C10orf53: variants seen among roughly 807,000 people sequenced by gnomAD.
C10orf53 encodes chromosome 10 open reading frame 53, also known as UPF0728 protein C10orf53.
C10orf53 carries 8 observed loss-of-function variants against 9.4 expected under a neutral mutation model. The ratio of observed to expected loss-of-function variants is 0.85; its 90% confidence interval spans 0.50 to 1.53. The LOEUF is 1.53. C10orf53 is among the 40% of genes most tolerant of loss of function. C10orf53 has a pLI of 0.00. For synonymous variants in C10orf53, 48 were observed against 46.0 expected (o/e 1.04, Z -0.18); for missense variants, 117 against 117.8 (o/e 0.99, Z 0.03).
chr10:49,700,278 C>A (rs1257169170), downstream of C10orf53, among the ~76,000 whole-genome samples: 1 of 152,196 alleles, frequency 6.6e-6, no homozygotes, highest in Non-Finnish European at 1.5e-5. Context: ...ATGTGAGCCA[C>A]CTGATTCCAG....
chr10:49,699,218 A>C (rs1297335622), downstream of C10orf53, among the ~76,000 whole-genome samples: 2 of 12,580 alleles, frequency 1.6e-4, no homozygotes, highest in South Asian at 3.7e-3. Context: ...TTTTTTTGAC[A>C]AGGCCTTGCT....
chr10:49,690,825 G>A (rs941120192), intron 1 of C10orf53, among the ~76,000 whole-genome samples: 1 of 152,188 alleles, frequency 6.6e-6, no homozygotes, highest in Non-Finnish European at 1.5e-5. Context: ...TTGCGCGGGG[G>A]TGTGTGTATG....
intron 1 of C10orf53, among the ~76,000 whole-genome samples, chr10:49,692,301 G>A (rs1275516405): frequency 1.3e-5 from 2 of 152,226 alleles, no homozygotes; most frequent in Non-Finnish European, 2.9e-5. Flanking sequence ...CCGCCTATGG[G>A]TACCCAGGGA....
chr10:49,682,863 G>A (rs1840493492), intron 1 of C10orf53, among the ~76,000 whole-genome samples: 1 of 152,160 alleles, frequency 6.6e-6, no homozygotes, highest in Non-Finnish European at 1.5e-5. Flanking sequence ...CTACTTTGTA[G>A]CTTATTTCAC....
At chr10:49,699,143 T>G (rs1401051900), downstream of C10orf53, among the ~76,000 whole-genome samples, 2 of 151,772 alleles carry the variant, frequency 1.3e-5, no homozygotes, top group Non-Finnish European at 2.9e-5. Context: ...ATGTCAAGAT[T>G]TATCATTTTT....
chr10:49,700,706 G>A (rs1840675857), downstream of C10orf53, among the ~76,000 whole-genome samples: 1 of 152,156 alleles, frequency 6.6e-6, no homozygotes, highest in Non-Finnish European at 1.5e-5. Context: ...GTGGAGGAAG[G>A]CCTGGGGGAA....
At chr10:49,703,511 T>A (rs1438986060) in intron 2 of C10orf53, among the ~76,000 whole-genome samples, 1 of 152,132 alleles carries the variant, frequency 6.6e-6, no homozygotes. Context: ...ATCTTATTAG[T>A]AAAGAGATGG....
At chr10:49,708,774 G>A in exon 3 of C10orf53, 1 of 1,067,396 alleles carries the variant, frequency 9.4e-7, no homozygotes, top group Non-Finnish European at 1.3e-6. Flanking sequence ...CAGGCAACCT[G>A]TGGCAAACCC....
chr10:49,706,012 C>T (rs748796843), intron 2 of C10orf53, among the ~76,000 whole-genome samples: 3 of 152,184 alleles, frequency 2.0e-5, no homozygotes, highest in Non-Finnish European at 2.9e-5. Flanking sequence ...AAAAGATGCT[C>T]AGCATCATTA....
downstream of C10orf53, among the ~76,000 whole-genome samples, chr10:49,700,314 G>A (rs765554804): frequency 1.3e-5 from 2 of 152,240 alleles, no homozygotes; most frequent in Non-Finnish European, 2.9e-5. Flanking sequence ...TGCACTGAGA[G>A]AAGTGGCATC....
rs1334228987 is a variant in C10orf53, at chr10:49,702,847, A to G, written c.218-5514A>G. 2.6e-5 allele frequency among the ~76,000 whole-genome samples: 4 copies of G among 152,296 alleles called. No homozygotes were observed. In the South Asian group the frequency reaches 6.2e-4, roughly 24 times the overall value. On this transcript the variant is annotated intron_variant, in intron 2 of 2. Coordinates refer to the C10orf53 transcript ENST00000374112. The stretch of plus-strand genomic sequence containing the variant: ...CTCAGTCCCAGAGACCCTGACTCCA[A>G]CTACCTCTACTAACCACCATCTAAG...
At chr10:49,705,812 A>T (rs554846958) in intron 2 of C10orf53, among the ~76,000 whole-genome samples, 1 of 152,212 alleles carries the variant, frequency 6.6e-6, no homozygotes, top group Non-Finnish European at 1.5e-5. Context: ...TCTTTCAAAG[A>T]ACACCACCAA....
chr10:49,681,579 A>G (rs1465386374), intron 1 of C10orf53, among the ~76,000 whole-genome samples: 1 of 152,246 alleles, frequency 6.6e-6, no homozygotes, highest in Non-Finnish European at 1.5e-5. Flanking sequence ...ACAAAATACC[A>G]TAGACTATGG....
downstream of C10orf53, among the ~76,000 whole-genome samples, chr10:49,699,162 TG>T (rs1840660776): frequency 6.6e-6 from 1 of 150,926 alleles, no homozygotes; most frequent in African/African-American, 2.4e-5. Context: ...TTCTTTCTCT[TG>T]TTAACTTTTT....
chr10:49,679,670 T>C lies in C10orf53; in HGVS notation c.-28T>C, dbSNP rs1840458949. The C allele has an allele frequency of 6.5e-7, 1 of 1,542,560 alleles. No individual in the cohort carries two copies. Among genetic ancestry groups the C allele is most frequent in the East Asian group, 2.5e-5 (1 of 40,170 alleles). ...TTGCTTAGCAGCGTGTGTTTCTCCC[T>C]TGCCTCTGCGGCGGCGGAGGCCTGG... On this transcript the variant is annotated 5_prime_UTR_variant, in exon 1 of 3. Coordinates refer to ENST00000374111, the MANE Select transcript of C10orf53 (RefSeq NM_001042427.3).
chr10:49,708,615 T>G (rs760974001), exon 3 of C10orf53: 4 of 1,614,052 alleles, frequency 2.5e-6, no homozygotes. Flanking sequence ...TCAGCCCTAC[T>G]GAAATCGACA....
At chr10:49,685,978 T>C (rs1025451275) in intron 1 of C10orf53, among the ~76,000 whole-genome samples, 11 of 152,164 alleles carry the variant, frequency 7.2e-5, no homozygotes, top group Admixed American at 3.3e-4. Context: ...GTTGTTATAC[T>C]TGAGGGCATC....
intron 1 of C10orf53, among the ~76,000 whole-genome samples, chr10:49,682,403 C>T (rs1457590631): frequency 1.3e-5 from 2 of 151,992 alleles, no homozygotes; most frequent in Non-Finnish European, 2.9e-5. Flanking sequence ...CTCGTGGTCT[C>T]GCTGACTTCA....
chr10:49,706,584 A>T (rs1840723753), intron 2 of C10orf53, among the ~76,000 whole-genome samples: 1 of 152,222 alleles, frequency 6.6e-6, no homozygotes, highest in Non-Finnish European at 1.5e-5. Flanking sequence ...GACTGAGAAG[A>T]TGATGGCTAA....
Sources: gnomAD v4.1 joint callset for allele counts (sites outside exome capture counted in the v4.1 genomes callset) on GRCh38, gnomAD v4.1.1 for gene constraint, MANE v1.5 for transcripts, NCBI Gene and HGNC (gene_info 2026-07-23, HGNC 2026-07-21) for gene names.